CADM2: variants seen among roughly 807,000 people sequenced by gnomAD.
CADM2 encodes immunoglobulin superfamily member 4D.
CADM2 carries 12 observed loss-of-function variants against 49.8 expected under a neutral mutation model. That is an observed-to-expected ratio of 0.24 (90% CI 0.15 to 0.39). CADM2 has a LOEUF of 0.39. Among genes scored for constraint, CADM2 ranks in the 10% least tolerant of loss-of-function variants. The pLI is 1.00. For missense variants in CADM2, 378 were observed against 492.3 expected (o/e 0.77, Z 2.20); for synonymous variants, 214 against 175.4 (o/e 1.22, Z -1.74).
intron 2 of CADM2, among the ~76,000 whole-genome samples, chr3:85,754,785 A>AT (rs142612147): frequency 0.042 from 6,410 of 152,222 alleles, 183 homozygotes; most frequent in Non-Finnish European, 0.069. Context: ...GACTGTCTCA[A>AT]TTTTTTTAAA....
chr3:85,645,263 C>T (rs554267707), intron 1 of CADM2, among the ~76,000 whole-genome samples: 17 of 152,098 alleles, frequency 1.1e-4, no homozygotes, highest in African/African-American at 3.9e-4. Context: ...GCATTTAAAA[C>T]ACAAATCCGT....
intron 1 of CADM2, among the ~76,000 whole-genome samples, chr3:85,482,656 T>C (rs1244370738): frequency 6.6e-6 from 1 of 151,728 alleles, no homozygotes; most frequent in Non-Finnish European, 1.5e-5. Flanking sequence ...TTTTTATCGA[T>C]GGTTCATATT....
intron 7 of CADM2, among the ~76,000 whole-genome samples, chr3:85,941,963 C>A (rs988620306): frequency 2.0e-5 from 3 of 152,168 alleles, no homozygotes; most frequent in East Asian, 1.9e-4. Flanking sequence ...CTGCTGTAAT[C>A]GTTTCAATTT....
At chr3:86,039,388 T>C (rs991653500) in intron 8 of CADM2, among the ~76,000 whole-genome samples, 8 of 152,128 alleles carry the variant, frequency 5.3e-5, no homozygotes, top group Non-Finnish European at 1.0e-4. Context: ...CTCACCCTAA[T>C]ACTGTGCTTT....
chr3:84,960,056 C>T lies in CADM2; in HGVS notation c.61+388C>T, dbSNP rs1040429107. ...TCCCACATCACGCTCTTGAGCGACC[C>T]TCTCCATCTCTTGTCATCTCTTTAA... On this transcript the variant is annotated intron_variant, in intron 1 of 9. Transcript: ENST00000383699. 3 of 312,746 alleles carry T rather than the reference C, an allele frequency of 9.6e-6. No individual in the cohort carries two copies. The Admixed American group carries it at 1.5e-4, about 15-fold the overall frequency. 19.4% of individuals were successfully genotyped at this position (312,746 alleles called of 1,614,324 possible). A position where few individuals can be genotyped will look rare whatever the true frequency, so the allele number is the denominator to read the frequency against.
rs1168307664 is a variant in CADM2, at chr3:86,073,333, A to G, written c.*6550A>G. The G allele has an allele frequency of 1.3e-5, 2 of 152,096 alleles. No individual in the cohort carries two copies. Among genetic ancestry groups the G allele is most frequent in the East Asian group, 3.8e-4 (2 of 5,198 alleles). 9.4% of individuals were successfully genotyped at this position (152,096 alleles called of 1,614,324 possible). On this transcript the variant is annotated 3_prime_UTR_variant, in exon 10 of 10. Coordinates refer to ENST00000383699, the MANE Select transcript of CADM2 (RefSeq NM_001167675.2). ...CAGCATAAAAAATAAATTCTGTGCT[A>G]TAAAGAAGATCCAACAAATTAACCA... is the stretch of plus-strand genomic sequence containing the variant.
chr3:85,770,180 A>G (rs2070004532), intron 2 of CADM2, among the ~76,000 whole-genome samples: 1 of 152,122 alleles, frequency 6.6e-6, no homozygotes, highest in Non-Finnish European at 1.5e-5. Flanking sequence ...AAAATATTAT[A>G]GTCATCGATG....
intron 1 of CADM2, among the ~76,000 whole-genome samples, chr3:85,359,337 T>C (rs1220831113): frequency 6.6e-6 from 1 of 151,846 alleles, no homozygotes; most frequent in Non-Finnish European, 1.5e-5. Context: ...GACAGAGAAA[T>C]TTTGAAGATT....
At chr3:85,280,498 A>G (rs536485988) in intron 1 of CADM2, among the ~76,000 whole-genome samples, 1 of 151,848 alleles carries the variant, frequency 6.6e-6, no homozygotes, top group East Asian at 1.9e-4. Flanking sequence ...CTAAATTTTG[A>G]CAATTTGACT....
At chr3:85,291,164 G>A (rs1038076143) in intron 1 of CADM2, among the ~76,000 whole-genome samples, 6 of 152,158 alleles carry the variant, frequency 3.9e-5, no homozygotes, top group East Asian at 1.9e-4. Flanking sequence ...GAGCCGATGC[G>A]ATCAACTGGA....
chr3:85,255,691 TG>T (rs2042869414), intron 1 of CADM2, among the ~76,000 whole-genome samples: 1 of 152,076 alleles, frequency 6.6e-6, no homozygotes, highest in South Asian at 2.1e-4. Flanking sequence ...CTCAATCCTT[TG>T]CCCCATCTCT....
chr3:85,446,975 A>G (rs1421749061), intron 1 of CADM2, among the ~76,000 whole-genome samples: 17 of 131,012 alleles, frequency 1.3e-4, no homozygotes, highest in African/African-American at 4.8e-4. Flanking sequence ...AAATGACTTA[A>G]GCCTAATATG....
chr3:85,305,499 T>C (rs1170150400), intron 1 of CADM2, among the ~76,000 whole-genome samples: 1 of 151,628 alleles, frequency 6.6e-6, no homozygotes. Flanking sequence ...CTTGAGAAAG[T>C]AAGTAATCCT....
At chr3:85,094,363 T>A (rs2037714507) in intron 1 of CADM2, among the ~76,000 whole-genome samples, 1 of 152,170 alleles carries the variant, frequency 6.6e-6, no homozygotes, top group Admixed American at 6.6e-5. Context: ...ACGTTAAATT[T>A]ATTTCCTTTC....
intron 1 of CADM2, among the ~76,000 whole-genome samples, chr3:85,265,946 C>T (rs1429033783): frequency 6.6e-6 from 1 of 151,884 alleles, no homozygotes; most frequent in Non-Finnish European, 1.5e-5. Flanking sequence ...ATTATTCATT[C>T]ACATGTTCGA....
At chr3:85,484,603 C>G (rs567600078) in intron 1 of CADM2, among the ~76,000 whole-genome samples, 14 of 151,908 alleles carry the variant, frequency 9.2e-5, no homozygotes, top group Non-Finnish European at 1.9e-4. Context: ...TTAACTTCTA[C>G]TTTATCCATT....
intron 1 of CADM2, among the ~76,000 whole-genome samples, chr3:85,554,926 G>A (rs1447897859): frequency 6.7e-6 from 1 of 149,654 alleles, no homozygotes; most frequent in Non-Finnish European, 1.5e-5. Flanking sequence ...TTGTTGCCAG[G>A]GCTGGTCATG....
intron 1 of CADM2, among the ~76,000 whole-genome samples, chr3:85,225,162 A>G (rs2042128388): frequency 6.6e-6 from 1 of 152,120 alleles, no homozygotes; most frequent in African/African-American, 2.4e-5. Flanking sequence ...CTTGATGGGG[A>G]TAGCGTTGAA....
At chr3:85,838,322 C>T (rs2074491299) in intron 3 of CADM2, among the ~76,000 whole-genome samples, 1 of 151,688 alleles carries the variant, frequency 6.6e-6, no homozygotes. Context: ...AATGTAGGGC[C>T]CTTACTCAAA....
Sources: gnomAD v4.1 joint callset for allele counts (sites outside exome capture counted in the v4.1 genomes callset) on GRCh38, gnomAD v4.1.1 for gene constraint, MANE v1.5 for transcripts, NCBI Gene and HGNC (gene_info 2026-07-23, HGNC 2026-07-21) for gene names.